The following ARHGAP44 variants were observed in gnomAD, a reference collection of about 807,000 sequenced individuals.
ARHGAP44 encodes rho GTPase-activating protein 44.
ARHGAP44 carries 43 observed loss-of-function variants against 106.8 expected under a neutral mutation model. The observed-to-expected ratio is 0.40, with a 90% confidence interval of 0.32 to 0.52. The LOEUF (loss-of-function observed/expected upper bound fraction) is 0.52. Ranked by LOEUF, ARHGAP44 falls within the 20% of genes least tolerant of loss-of-function variation. ARHGAP44 has a pLI of 0.48. For missense variants in ARHGAP44, 866 were observed against 1,050.5 expected (o/e 0.82, Z 2.43); for synonymous variants, 439 against 410.3 (o/e 1.07, Z -0.85).
chr17:12,933,357 T>C (rs1205049562), intron 7 of ARHGAP44, among the ~76,000 whole-genome samples: 1 of 152,170 alleles, frequency 6.6e-6, no homozygotes, highest in Non-Finnish European at 1.5e-5. Flanking sequence ...CCCCAGATCT[T>C]TGGGAACCAG....
At chr17:12,796,032 A>C (rs939066183) in intron 1 of ARHGAP44, among the ~76,000 whole-genome samples, 1 of 152,156 alleles carries the variant, frequency 6.6e-6, no homozygotes, top group South Asian at 2.1e-4. Context: ...TAGAAAAATC[A>C]TAAACTTATG....
At chr17:12,883,618 T>C (rs957942646) in intron 1 of ARHGAP44, among the ~76,000 whole-genome samples, 3 of 152,086 alleles carry the variant, frequency 2.0e-5, no homozygotes, top group African/African-American at 7.2e-5. Flanking sequence ...CTGTTATCGA[T>C]TTAGAAGTGT....
chr17:12,897,244 A>G (rs1456700028), intron 3 of ARHGAP44, among the ~76,000 whole-genome samples: 4 of 116,926 alleles, frequency 3.4e-5, no homozygotes, highest in Non-Finnish European at 3.4e-5. Flanking sequence ...AATCTACATG[A>G]TTGGTATCAT....
chr17:12,883,110 C>T (rs946078858), intron 1 of ARHGAP44, among the ~76,000 whole-genome samples: 7 of 150,232 alleles, frequency 4.7e-5, no homozygotes, highest in African/African-American at 1.7e-4. Context: ...ATGACTCAGG[C>T]TTCCTCTGTA....
At chr17:12,963,731 C>CACCAGTGCCGTGTGTGCAGACA (rs1385080977) in intron 16 of ARHGAP44, among the ~76,000 whole-genome samples, 16 of 152,094 alleles carry the variant, frequency 1.1e-4, no homozygotes, top group South Asian at 4.2e-4. Flanking sequence ...GCCGGCCTTG[C>CACCAGTGCCGTGTGTGCAGACA]GAAGCCCTGC....
chr17:12,829,781 C>A (rs1037375676), intron 1 of ARHGAP44, among the ~76,000 whole-genome samples: 1 of 152,122 alleles, frequency 6.6e-6, no homozygotes, highest in Non-Finnish European at 1.5e-5. Flanking sequence ...CCTTCCTTGA[C>A]CACTCTATTT....
At chr17:12,951,607 G>A (rs1412928339) in intron 12 of ARHGAP44, among the ~76,000 whole-genome samples, 1 of 152,214 alleles carries the variant, frequency 6.6e-6, no homozygotes, top group African/African-American at 2.4e-5. Flanking sequence ...ATTTGCAAAT[G>A]TGGGTCTCCA....
intron 10 of ARHGAP44, among the ~76,000 whole-genome samples, chr17:12,946,960 G>A (rs570230564): frequency 2.6e-5 from 4 of 152,030 alleles, no homozygotes; most frequent in East Asian, 1.9e-4. Flanking sequence ...AACAGACCTC[G>A]CTCTGTCACT....
Position 12,919,737 on chromosome 17 carries a change from T to C in ARHGAP44, c.388-18T>C, listed in dbSNP as rs749884838. 5.6e-6 allele frequency: 9 copies of C among 1,603,214 alleles called. No individual in the cohort carries two copies. In the East Asian group the frequency reaches 2.0e-4, roughly 36 times the overall value. ...TGAGCTTCAGTTTAATTGTATCTTTTATGTTGTGTAACCACAGGTGGAAAT... is the reference window on the plus strand; with the variant it reads ...TGAGCTTCAGTTTAATTGTATCTTTCATGTTGTGTAACCACAGGTGGAAAT... On this transcript the variant is annotated intron_variant, in intron 5 of 20. Transcript: ENST00000379672.
At chr17:12,816,984 G>A (rs924635644) in intron 1 of ARHGAP44, among the ~76,000 whole-genome samples, 3 of 152,088 alleles carry the variant, frequency 2.0e-5, no homozygotes, top group Non-Finnish European at 2.9e-5. Flanking sequence ...TCTAGTGCTC[G>A]TGAAACATTC....
chr17:12,871,295 GTC>G (rs1052158513), intron 1 of ARHGAP44, among the ~76,000 whole-genome samples: 3 of 152,114 alleles, frequency 2.0e-5, no homozygotes, highest in Admixed American at 2.0e-4. Context: ...CGTGGGGGTG[GTC>G]TCTCATGAAT....
intron 1 of ARHGAP44, among the ~76,000 whole-genome samples, chr17:12,819,579 C>CTA (rs140741317): frequency 0.04 from 5,941 of 147,724 alleles, 145 homozygotes; most frequent in East Asian, 0.059. Context: ...TTGATACTGT[C>CTA]AAGTTTTTTT....
intron 1 of ARHGAP44, among the ~76,000 whole-genome samples, chr17:12,876,564 A>G (rs1407044085): frequency 6.6e-6 from 1 of 152,072 alleles, no homozygotes; most frequent in Non-Finnish European, 1.5e-5. Context: ...ATTAGGAGGA[A>G]TGTCTGAGGG....
intron 7 of ARHGAP44, among the ~76,000 whole-genome samples, chr17:12,935,209 A>C (rs1191411204): frequency 6.6e-6 from 1 of 152,216 alleles, no homozygotes; most frequent in Non-Finnish European, 1.5e-5. Context: ...AAAAGAGAAC[A>C]CTTTAAAAAA....
intron 1 of ARHGAP44, among the ~76,000 whole-genome samples, chr17:12,841,225 G>A (rs1224948485): frequency 2.0e-5 from 3 of 152,146 alleles, no homozygotes; most frequent in East Asian, 3.9e-4. Flanking sequence ...AATATGCTAT[G>A]GAGGAAATTC....
In ARHGAP44 at chr17:12,810,379, C is replaced by G. The variant is rs2034402381; in HGVS notation, c.53+20488C>G. ...ATAAGGAATATCTTATCTTGGTTCC[C>G]AGTTTCTGGCACAAAGCTTCAAACA... On this transcript the variant is annotated intron_variant, in intron 1 of 20. Transcript: ENST00000379672. Among the ~76,000 whole-genome samples the G allele has an allele frequency of 2.0e-5, 3 of 152,282 alleles. No individual in the cohort carries two copies. In the South Asian group the frequency reaches 6.2e-4, roughly 32 times the overall value.
chr17:12,917,407 G>A (rs979145518), intron 5 of ARHGAP44: 10 of 152,702 alleles, frequency 6.5e-5, no homozygotes, highest in African/African-American at 2.4e-4. Context: ...GAGGTGGAAA[G>A]CCAGAGAGAC....
At chr17:12,833,215 C>G (rs61625892) in intron 1 of ARHGAP44, among the ~76,000 whole-genome samples, 15,741 of 152,204 alleles carry the variant, frequency 0.1, 888 homozygotes, top group African/African-American at 0.15. Context: ...AATTACTGAG[C>G]ATGACTCTGA....
chr17:12,814,671 A>G (rs2034545125), intron 1 of ARHGAP44, among the ~76,000 whole-genome samples: 1 of 152,008 alleles, frequency 6.6e-6, no homozygotes, highest in South Asian at 2.1e-4. Flanking sequence ...GCATATATGC[A>G]AGCATACCTA....
Sources: allele counts gnomAD v4.1 joint callset (sites outside exome capture counted in the v4.1 genomes callset), GRCh38; gene constraint gnomAD v4.1.1; transcripts MANE v1.5; gene names NCBI Gene and HGNC (gene_info 2026-07-23, HGNC 2026-07-21).